Variants in MGST1 observed in about 807,000 individuals in gnomAD.
The protein encoded by MGST1 is microsomal glutathione S-transferase 1.
A neutral mutation model predicts 8.9 loss-of-function variants in MGST1; 5 were observed. That is an observed-to-expected ratio of 0.56 (90% CI 0.29 to 1.19). MGST1 has a LOEUF of 1.19. Among genes scored for constraint, MGST1 ranks in the 50% most tolerant of loss-of-function variants. The probability of loss-of-function intolerance (pLI) is 0.08; values close to 1 mark genes in which losing one functional copy is unlikely to be tolerated. For synonymous variants in MGST1, 54 were observed against 67.8 expected, an observed-to-expected ratio of 0.80 and a Z score of 1.00; for missense variants, 182 against 187.4, an observed-to-expected ratio of 0.97 and a Z score of 0.17.
intron 1 of MGST1, among the ~76,000 whole-genome samples, chr12:16,406,884 C>T (rs1294442595): frequency 6.6e-6 from 1 of 152,114 alleles, no homozygotes; most frequent in African/African-American, 2.4e-5. Flanking sequence ...CCCTTTCTTA[C>T]ATCGCATACA....
At chr12:16,378,574 G>C (rs1280969960), downstream of MGST1, among the ~76,000 whole-genome samples, 1 of 151,692 alleles carries the variant, frequency 6.6e-6, no homozygotes, top group African/African-American at 2.4e-5. Flanking sequence ...TTGAAGTCAG[G>C]TAGCATGATG....
At chr12:16,522,514 A>G (rs895094142) in intron 4 of MGST1, among the ~76,000 whole-genome samples, 5 of 151,974 alleles carry the variant, frequency 3.3e-5, no homozygotes, top group African/African-American at 1.2e-4. Context: ...GCCATAGATC[A>G]GTTCACCTCT....
intron 1 of MGST1, among the ~76,000 whole-genome samples, chr12:16,418,836 A>G (rs1056931671): frequency 6.6e-6 from 1 of 152,188 alleles, no homozygotes; most frequent in African/African-American, 2.4e-5. Flanking sequence ...TGAGTGCTCA[A>G]GAAACACTAG....
intron 4 of MGST1, among the ~76,000 whole-genome samples, chr12:16,495,066 T>C (rs1041541524): frequency 6.6e-6 from 1 of 152,158 alleles, no homozygotes; most frequent in Non-Finnish European, 1.5e-5. Flanking sequence ...GAGGCTTTGT[T>C]TCTTTAATAT....
chr12:16,348,883 C>A (rs2975139), intron 1 of MGST1: 2 of 150,896 alleles, frequency 1.3e-5, no homozygotes, highest in Admixed American at 1.3e-4. Context: ...TTTTCTACCG[C>A]TTTGTTTTAG....
At chr12:16,486,249 T>G (rs1941398654) in intron 4 of MGST1, among the ~76,000 whole-genome samples, 1 of 152,240 alleles carries the variant, frequency 6.6e-6, no homozygotes, top group Admixed American at 6.5e-5. Context: ...ATTATTTGTA[T>G]GTCTCTTTAC....
rs1396915441 is a variant in MGST1 at position 16,576,242 on chromosome 12, T to G, written n.483-13286T>G. 6.6e-6 allele frequency among the ~76,000 whole-genome samples: 1 copy of G among 152,126 alleles called. No homozygotes were observed. The highest frequency in any genetic ancestry group is 1.5e-5 in the Non-Finnish European group (1 of 68,022). On this transcript the variant is annotated intron_variant and non_coding_transcript_variant, in intron 4 of 4. Transcript: ENST00000538857. This position sits in a 1 kb window ranked among gnomAD's most constrained non-coding sequence, Gnocchi z 4.1. The stretch of plus-strand genomic sequence containing the variant: ...TTATAACCTTCCATAGCTCCCCTAC[T>G]GTATGCAGGATAGATGCAGGGAAGC...
chr12:16,515,278 C>G (rs1941604736), intron 4 of MGST1, among the ~76,000 whole-genome samples: 1 of 152,158 alleles, frequency 6.6e-6, no homozygotes, highest in Admixed American at 6.5e-5. Flanking sequence ...TCCTTAGGCA[C>G]AAAGAATTTT....
intron 4 of MGST1, among the ~76,000 whole-genome samples, chr12:16,499,040 G>T (rs1355650153): frequency 6.6e-6 from 1 of 152,174 alleles, no homozygotes; most frequent in Non-Finnish European, 1.5e-5. Flanking sequence ...TTTAAAGGGA[G>T]TCTTTTAGGA....
At chr12:16,443,856 C>A (rs544774655) in intron 4 of MGST1, among the ~76,000 whole-genome samples, 1 of 152,002 alleles carries the variant, frequency 6.6e-6, no homozygotes, top group African/African-American at 2.4e-5. Flanking sequence ...AACCCACAGA[C>A]AATGGTACTG....
chr12:16,524,842 A>G (rs1226571790), intron 4 of MGST1, among the ~76,000 whole-genome samples: 1 of 152,084 alleles, frequency 6.6e-6, no homozygotes, highest in East Asian at 1.9e-4. Context: ...CTTGAAATAA[A>G]TAGCTAGGAT....
At chr12:16,525,275 C>T (rs1182453123) in intron 4 of MGST1, among the ~76,000 whole-genome samples, 1 of 146,316 alleles carries the variant, frequency 6.8e-6, no homozygotes, top group Admixed American at 6.8e-5. Flanking sequence ...AGGTATATCT[C>T]CCAATGCTAT....
Position 16,513,480 on chromosome 12 carries a change from C to A in MGST1, n.483-76048C>A. On this transcript the variant is annotated intron_variant and non_coding_transcript_variant, in intron 4 of 4. Coordinates refer to the MGST1 transcript ENST00000538857. This position sits in a 1 kb window ranked among gnomAD's most constrained non-coding sequence, Gnocchi z 4.2. Reference sequence around the variant, plus strand: ...CCTCTGATGCCCCTGCCAGAGCCAGCTCCTGGTGGACCCATGTGGAGATGG... The same window carrying A: ...CCTCTGATGCCCCTGCCAGAGCCAGATCCTGGTGGACCCATGTGGAGATGG... The A allele has an allele frequency of 4.5e-6, 2 of 446,806 alleles. No homozygotes were observed. The highest frequency in any genetic ancestry group is 9.0e-6 in the Non-Finnish European group (2 of 223,024). 27.7% of individuals were successfully genotyped at this position (446,806 alleles called of 1,614,324 possible).
At chr12:16,557,053 A>AGACTT (rs1942217388) in intron 4 of MGST1, among the ~76,000 whole-genome samples, 1 of 152,202 alleles carries the variant, frequency 6.6e-6, no homozygotes, top group African/African-American at 2.4e-5. Context: ...CTGAGGAGAC[A>AGACTT]GACTTAATTG....
At chr12:16,509,112 T>C (rs1941559630) in intron 4 of MGST1, among the ~76,000 whole-genome samples, 1 of 152,200 alleles carries the variant, frequency 6.6e-6, no homozygotes, top group African/African-American at 2.4e-5. Context: ...TGGCTAAACA[T>C]CATTGTTCTT....
chr12:16,357,332 T>C (rs1289218782), intron 2 of MGST1, among the ~76,000 whole-genome samples: 1 of 152,172 alleles, frequency 6.6e-6, no homozygotes, highest in Non-Finnish European at 1.5e-5. Flanking sequence ...CAATCACAGC[T>C]CACTGCAGCC....
chr12:16,432,814 A>G (rs940768329), intron 1 of MGST1, among the ~76,000 whole-genome samples: 11 of 151,826 alleles, frequency 7.2e-5, no homozygotes, highest in African/African-American at 2.2e-4. Context: ...GATTTATTAC[A>G]AGGAGTTCAC....
intron 4 of MGST1, among the ~76,000 whole-genome samples, chr12:16,451,837 C>T (rs1025761130): frequency 6.6e-6 from 1 of 151,780 alleles, no homozygotes; most frequent in African/African-American, 2.4e-5. Context: ...TTTTCCAGTA[C>T]CCTGATTTAA....
rs548646797 is a variant in MGST1 at position 16,461,821 on chromosome 12, C to T, written n.482+78217C>T. On this transcript the variant is annotated intron_variant and non_coding_transcript_variant, in intron 4 of 4. Transcript: ENST00000538857. ...TTTCCTGGGTATGACCTTAAAGACA[C>T]CATAATCGTCTTTATCATGTATTAT... Among the ~76,000 whole-genome samples the T allele has an allele frequency of 2.6e-5, 4 of 152,248 alleles. No homozygotes were observed. In the East Asian group the frequency reaches 5.8e-4, roughly 22 times the overall value.
Sources: allele counts gnomAD v4.1 joint callset (sites outside exome capture counted in the v4.1 genomes callset), GRCh38; gene constraint gnomAD v4.1.1; non-coding constraint Gnocchi (gnomAD v3.1); transcripts MANE v1.5; gene names NCBI Gene and HGNC (gene_info 2026-07-23, HGNC 2026-07-21).